NHSL1: variants seen among roughly 807,000 people sequenced by gnomAD.
NHSL1 encodes the protein NHS-like protein 1.
A neutral mutation model predicts 95.0 loss-of-function variants in NHSL1; 48 were observed. That is an observed-to-expected ratio of 0.51 (90% CI 0.40 to 0.64). The LOEUF (loss-of-function observed/expected upper bound fraction) is 0.64, where lower values mean the gene tolerates loss of function less well. NHSL1 is among the 30% of genes least tolerant of loss of function. NHSL1 has a pLI of 0.00. For missense variants in NHSL1, 1,971 were observed against 2,077.7 expected (o/e 0.95, Z 1.00); for synonymous variants, 783 against 833.9 (o/e 0.94, Z 1.05).
At chr6:138,610,048 TA>T (rs1784488295) in intron 1 of NHSL1, among the ~76,000 whole-genome samples, 1 of 152,064 alleles carries the variant, frequency 6.6e-6, no homozygotes, top group Non-Finnish European at 1.5e-5. Context: ...TTCTTCCCCA[TA>T]ACACCCCCAC....
intron 3 of NHSL1, among the ~76,000 whole-genome samples, chr6:138,465,054 C>CA (rs35195031): frequency 0.067 from 6,744 of 100,884 alleles, 452 homozygotes; most frequent in African/African-American, 0.18. Context: ...TGTATGCCTT[C>CA]AAAAAAAAAA....
chr6:138,483,389 T>A (rs1209832066), intron 2 of NHSL1, among the ~76,000 whole-genome samples: 1 of 152,244 alleles, frequency 6.6e-6, no homozygotes. Flanking sequence ...TACAGATCAA[T>A]GGTGGGGGAA....
At chr6:138,644,231 G>A (rs934837035) in intron 1 of NHSL1, among the ~76,000 whole-genome samples, 5 of 152,116 alleles carry the variant, frequency 3.3e-5, no homozygotes, top group South Asian at 4.2e-4. Flanking sequence ...GGCCAGGTGC[G>A]GTGGCTCACA....
chr6:138,513,802 C>T (rs998464761), intron 1 of NHSL1, among the ~76,000 whole-genome samples: 1 of 152,094 alleles, frequency 6.6e-6, no homozygotes, highest in Non-Finnish European at 1.5e-5. Flanking sequence ...TCTTCTATAT[C>T]ACTACTACTT....
At chr6:138,617,637 G>A (rs971424140) in intron 1 of NHSL1, among the ~76,000 whole-genome samples, 1 of 152,220 alleles carries the variant, frequency 6.6e-6, no homozygotes, top group African/African-American at 2.4e-5. Context: ...TAGACAATGA[G>A]AACAATGCGC....
At chr6:138,645,172 A>G (rs540455041) in intron 1 of NHSL1, among the ~76,000 whole-genome samples, 1 of 152,366 alleles carries the variant, frequency 6.6e-6, no homozygotes, top group South Asian at 2.1e-4. Context: ...ACAGGATAAT[A>G]GAGTTATATA....
Position 138,431,974 on chromosome 6 carries a change from C to G in NHSL1, c.2371G>C (p.Glu791Gln). Reference protein sequence around the residue: ...GYYIDYTGMQEDPGNPAGGCS... With the variant: ...GYYIDYTGMQQDPGNPAGGCS... ...CCCCCTGCCGGGTTCCCCGGATCTT[C>G]CTGCATGCCCGTGTAGTCAATGTAA... The change falls in exon 6 of 8, where the codon GAA becomes CAA. Residue 791 changes from glutamate (E) to glutamine (Q), a missense_variant. This residue lies in a region of NHSL1 where 1,602 missense variants were observed against 1,654.5 expected (regional missense o/e 0.97). Transcript: ENST00000343505. This position sits in a 1 kb window ranked among gnomAD's most constrained non-coding sequence, Gnocchi z 4.0. The G allele has an allele frequency of 2.6e-6, 4 of 1,551,776 alleles. No homozygotes were observed. Among genetic ancestry groups the G allele is most frequent in the Non-Finnish European group, 3.5e-6 (4 of 1,147,008 alleles).
At position 138,424,005 on chromosome 6, in the gene NHSL1, G is replaced by T. The variant is rs560189743; in HGVS notation, c.*76C>A. The T allele has an allele frequency of 4.7e-6, 6 of 1,274,498 alleles. No homozygotes were observed. The highest frequency in any genetic ancestry group is 5.9e-6 in the Non-Finnish European group (6 of 1,009,878). 78.9% of individuals were successfully genotyped at this position (1,274,498 alleles called of 1,614,324 possible). On this transcript the variant is annotated 3_prime_UTR_variant, in exon 8 of 8. Coordinates refer to ENST00000343505, the MANE Select transcript of NHSL1 (RefSeq NM_001144060.2). The surrounding 1 kb of genome is among the most constrained non-coding windows in gnomAD (Gnocchi z 5.9). ...GGGCTCCCCGGGTGAGCCAGGGAAG[G>T]GCGCCTAGCAGGCTTCCTAGAGTGC... is the stretch of plus-strand genomic sequence containing the variant.
intron 1 of NHSL1, among the ~76,000 whole-genome samples, chr6:138,560,610 G>A (rs1783375553): frequency 6.6e-6 from 1 of 152,198 alleles, no homozygotes; most frequent in Non-Finnish European, 1.5e-5. Context: ...ACTTTCTACT[G>A]GTGAAAAACT....
intron 1 of NHSL1, among the ~76,000 whole-genome samples, chr6:138,528,439 C>A (rs972632614): frequency 2.0e-5 from 3 of 152,078 alleles, no homozygotes; most frequent in Admixed American, 1.3e-4. Context: ...GCCAACCTAC[C>A]CTGCCTTTTA....
intron 1 of NHSL1, among the ~76,000 whole-genome samples, chr6:138,516,037 C>T: frequency 6.6e-6 from 1 of 152,218 alleles, no homozygotes. Context: ...ACAGGGGCCT[C>T]AGCAGCCGGC....
chr6:138,669,904 C>A (rs538514316), intron 1 of NHSL1, among the ~76,000 whole-genome samples: 1 of 151,740 alleles, frequency 6.6e-6, no homozygotes, highest in Non-Finnish European at 1.5e-5. Flanking sequence ...GTGGATCACC[C>A]GAGGTCAGGA....
intron 1 of NHSL1, among the ~76,000 whole-genome samples, chr6:138,689,244 C>A (rs543085843): frequency 6.6e-6 from 1 of 152,320 alleles, no homozygotes; most frequent in South Asian, 2.1e-4. Context: ...AAAGGTCCTG[C>A]TGTCTGGCAG....
chr6:138,565,629 C>CA (rs898516090), intron 1 of NHSL1, among the ~76,000 whole-genome samples: 4 of 151,234 alleles, frequency 2.6e-5, no homozygotes, highest in Admixed American at 6.6e-5. Context: ...CTGTAGTTTT[C>CA]AAAAAAAACT....
At chr6:138,685,456 C>T (rs1002685657) in intron 1 of NHSL1, among the ~76,000 whole-genome samples, 15 of 152,064 alleles carry the variant, frequency 9.9e-5, no homozygotes, top group Admixed American at 8.5e-4. Context: ...GCAGAATATA[C>T]ACAAATTAGA....
chr6:138,685,916 A>G (rs555429916), intron 1 of NHSL1, among the ~76,000 whole-genome samples: 2 of 152,306 alleles, frequency 1.3e-5, no homozygotes, highest in South Asian at 2.1e-4. Context: ...TGCCTTAGCT[A>G]TATCATCTGT....
chr6:138,633,007 G>T (rs185766430), intron 1 of NHSL1, among the ~76,000 whole-genome samples: 10 of 152,112 alleles, frequency 6.6e-5, no homozygotes, highest in Admixed American at 3.3e-4. Flanking sequence ...CAAAGAGATT[G>T]AAATAATTAA....
chr6:138,609,423 G>A (rs1243376517), intron 1 of NHSL1, among the ~76,000 whole-genome samples: 4 of 152,082 alleles, frequency 2.6e-5, no homozygotes, highest in Non-Finnish European at 4.4e-5. Context: ...ATGTGGCCTT[G>A]ACCAACTTTC....
chr6:138,678,927 C>CA lies in NHSL1; in HGVS notation c.96+13548dup, dbSNP rs1785480303. On this transcript the variant is annotated intron_variant, in intron 1 of 3. Transcript: ENST00000491526. ...TTATGTGAAAAGTACTAACGGCACT[C>CA]AAAGACATTTTTCCCACTTCATTTC... Among the ~76,000 whole-genome samples, 3 of 152,298 alleles carry CA rather than the reference C, an allele frequency of 2.0e-5. No homozygotes were observed. The East Asian group carries it at 5.8e-4, about 29-fold the overall frequency.
Sources: gnomAD v4.1 joint callset for allele counts (sites outside exome capture counted in the v4.1 genomes callset) on GRCh38, gnomAD v4.1.1 for gene constraint, gnomAD v4.1.1 regional missense constraint, Gnocchi (gnomAD v3.1) non-coding constraint, MANE v1.5 for transcripts, NCBI Gene and HGNC (gene_info 2026-07-23, HGNC 2026-07-21) for gene names.